Variants in TBXAS1 observed in about 807,000 individuals in gnomAD.
TBXAS1 encodes the protein thromboxane-A synthase.
Under a neutral mutation model 60.7 loss-of-function variants are expected in TBXAS1, and 48 were observed. The ratio of observed to expected loss-of-function variants is 0.79; its 90% confidence interval spans 0.63 to 1.01. The LOEUF is 1.01. Ranked by LOEUF, TBXAS1 falls within the 50% of genes least tolerant of loss-of-function variation. The pLI is 0.00. For missense variants in TBXAS1, 685 were observed against 686.3 expected (o/e 1.00, Z 0.02); for synonymous variants, 287 against 269.7 (o/e 1.06, Z -0.63).
chr7:139,783,676 G>A (rs1797072409), intron 3 of TBXAS1, among the ~76,000 whole-genome samples: 1 of 152,316 alleles, frequency 6.6e-6, no homozygotes, highest in East Asian at 1.9e-4. Flanking sequence ...GTCCTGTTAA[G>A]CCTACCTCAG....
chr7:139,902,816 A>G (rs929343664), intron 3 of TBXAS1, among the ~76,000 whole-genome samples: 3 of 152,142 alleles, frequency 2.0e-5, no homozygotes, highest in African/African-American at 7.3e-5. Context: ...ATGTGAAATG[A>G]TATCTCATTG....
At chr7:139,981,633 CAG>C (rs1811987286) in intron 9 of TBXAS1, among the ~76,000 whole-genome samples, 1 of 152,218 alleles carries the variant, frequency 6.6e-6, no homozygotes, top group African/African-American at 2.4e-5. Flanking sequence ...AGCTGAAAGG[CAG>C]AGACAGTCTC....
intron 10 of TBXAS1, among the ~76,000 whole-genome samples, chr7:140,008,515 T>A (rs1259523046): frequency 6.6e-6 from 1 of 150,660 alleles, no homozygotes; most frequent in Non-Finnish European, 1.5e-5. Context: ...TGGTGTGATC[T>A]TGGCTCACTG....
chr7:139,935,246 T>C (rs1807658342), intron 4 of TBXAS1, among the ~76,000 whole-genome samples: 1 of 152,238 alleles, frequency 6.6e-6, no homozygotes, highest in South Asian at 2.1e-4. Context: ...TAAAATGGCA[T>C]AGTATTTGCA....
At position 139,918,812 on chromosome 7, in the gene TBXAS1, A is replaced by G. The variant is rs117304589; in HGVS notation, c.333+7491A>G. The stretch of plus-strand genomic sequence containing the variant: ...CCTCGAGCTGTGGACACATCTCACA[A>G]CCTCACCCGGAGGCCATTCTCTCAG... On this transcript the variant is annotated intron_variant, in intron 4 of 12. Coordinates refer to ENST00000448866, the MANE Select transcript of TBXAS1 (RefSeq NM_001061.7). 8.0e-3 allele frequency among the ~76,000 whole-genome samples: 1,222 copies of G among 152,134 alleles called. 11 individuals carry two copies. The highest frequency in any genetic ancestry group is 0.027 in the Middle Eastern group (8 of 294).
chr7:140,017,521 G>C, intron 11 of TBXAS1, 150 bp from the exon 12 acceptor site: 3 of 1,037,742 alleles, frequency 2.9e-6, no homozygotes, highest in Non-Finnish European at 4.2e-6. Flanking sequence ...GGAGCAGAGA[G>C]GGACTGAGGC....
At chr7:139,956,536 G>T (rs577491060) in intron 7 of TBXAS1, among the ~76,000 whole-genome samples, 8 of 152,354 alleles carry the variant, frequency 5.3e-5, no homozygotes, top group African/African-American at 1.9e-4. Flanking sequence ...GTGTTGTTAT[G>T]CTTGGTATTG....
At chr7:140,017,192 G>A (rs1815148198) in intron 11 of TBXAS1, among the ~76,000 whole-genome samples, 2 of 152,236 alleles carry the variant, frequency 1.3e-5, no homozygotes, top group African/African-American at 4.8e-5. Context: ...GAGACCTGCA[G>A]GGCAAGCCAG....
chr7:139,976,491 C>T (rs898893329), intron 9 of TBXAS1, among the ~76,000 whole-genome samples: 1 of 152,202 alleles, frequency 6.6e-6, no homozygotes, highest in Non-Finnish European at 1.5e-5. Flanking sequence ...ATAAAATAGA[C>T]GCCAGCCTTC....
At position 140,017,878 on chromosome 7, in the gene TBXAS1, A is replaced by G. The variant is rs543383932; in HGVS notation, c.1527+45A>G. 52 of 1,612,440 alleles carry G rather than the reference A, an allele frequency of 3.2e-5. 2 individuals carry two copies. The African/African-American group carries it at 5.7e-4, about 18-fold the overall frequency. Reference sequence around the variant, plus strand: ...AGGCAGGGGCAGGGGCAGGGGTGGGAGGGCCACCCCAGTTCTCTGCGTGAG... The same window carrying G: ...AGGCAGGGGCAGGGGCAGGGGTGGGGGGGCCACCCCAGTTCTCTGCGTGAG... On this transcript the variant is annotated intron_variant, in intron 12 of 12. Coordinates refer to ENST00000448866, the MANE Select transcript of TBXAS1 (RefSeq NM_001061.7).
At chr7:140,018,230 G>A (rs569529585) in intron 12 of TBXAS1, among the ~76,000 whole-genome samples, 10 of 152,166 alleles carry the variant, frequency 6.6e-5, no homozygotes, top group Non-Finnish European at 1.3e-4. Context: ...CTGCCTTTGC[G>A]GGGTGGGGGG....
intron 9 of TBXAS1, among the ~76,000 whole-genome samples, chr7:139,971,694 T>G (rs1811209627): frequency 6.6e-6 from 1 of 152,122 alleles, no homozygotes; most frequent in African/African-American, 2.4e-5. Context: ...TGACCCGCTC[T>G]GCCTGGGAGC....
chr7:139,833,234 C>T (rs1402784616), intron 1 of TBXAS1, among the ~76,000 whole-genome samples: 8 of 152,184 alleles, frequency 5.3e-5, no homozygotes, highest in Non-Finnish European at 1.2e-4. Flanking sequence ...CAACTATCTG[C>T]TGCCTTCAGG....
intron 4 of TBXAS1, among the ~76,000 whole-genome samples, chr7:139,926,270 A>G (rs1806870425): frequency 6.6e-6 from 1 of 152,178 alleles, no homozygotes. Context: ...CAGTGAAGCC[A>G]TGGTGTCCTG....
intron 4 of TBXAS1, among the ~76,000 whole-genome samples, chr7:139,819,617 C>T (rs1190963346): frequency 2.0e-5 from 3 of 152,182 alleles, no homozygotes; most frequent in Non-Finnish European, 4.4e-5. Flanking sequence ...ATTCTCCTGC[C>T]TCAGCCTCCC....
At chr7:139,946,716 T>G (rs766428690) in intron 5 of TBXAS1, among the ~76,000 whole-genome samples, 2 of 152,204 alleles carry the variant, frequency 1.3e-5, no homozygotes, top group Admixed American at 6.5e-5. Context: ...ACTCCCTGCT[T>G]TCTGTGCCAA....
chr7:139,907,373 A>T (rs1805187041), intron 3 of TBXAS1, among the ~76,000 whole-genome samples: 1 of 152,184 alleles, frequency 6.6e-6, no homozygotes, highest in South Asian at 2.1e-4. Flanking sequence ...CCTAGAATAA[A>T]TACCACTTGG....
intron 3 of TBXAS1, among the ~76,000 whole-genome samples, chr7:139,881,844 G>A (rs1028164950): frequency 2.0e-5 from 3 of 152,178 alleles, no homozygotes; most frequent in Non-Finnish European, 4.4e-5. Context: ...CCTCCAAGTT[G>A]GAGGTTTTTA....
chr7:140,000,305 GC>G (rs1204445292), intron 9 of TBXAS1, among the ~76,000 whole-genome samples: 1 of 152,052 alleles, frequency 6.6e-6, no homozygotes, highest in Non-Finnish European at 1.5e-5. Flanking sequence ...TTCAACACAA[GC>G]CTGGGCAACA....
Sources: allele counts gnomAD v4.1 joint callset (sites outside exome capture counted in the v4.1 genomes callset), GRCh38; gene constraint gnomAD v4.1.1; transcripts MANE v1.5; gene names NCBI Gene and HGNC (gene_info 2026-07-23, HGNC 2026-07-21).